Variants in DMP1 observed in about 807,000 individuals in gnomAD.
DMP1 encodes the protein dentin matrix protein 1.
In DMP1, 20 loss-of-function variants were observed where a neutral mutation model predicts 14.6. The ratio of observed to expected loss-of-function variants is 1.37; its 90% CI spans 0.96 to 1.99. The LOEUF (loss-of-function observed/expected upper bound fraction) is 1.99. DMP1 is among the 30% of genes most tolerant of loss of function. The pLI is 0.00. For synonymous variants in DMP1, 197 were observed against 215.3 expected, an observed-to-expected ratio of 0.91 and a Z score of 0.75; for missense variants, 567 against 620.5, an observed-to-expected ratio of 0.91 and a Z score of 0.92.
At chr4:87,653,387 A>AT (rs1491577482) in intron 1 of DMP1, among the ~76,000 whole-genome samples, 1 of 5,386 alleles carries the variant, frequency 1.9e-4, no homozygotes, top group Non-Finnish European at 3.4e-4. Context: ...TTATCGAGTG[A>AT]TATATATATA....
chr4:87,657,940 T>C (rs1329942218), intron 3 of DMP1, among the ~76,000 whole-genome samples: 1 of 152,208 alleles, frequency 6.6e-6, no homozygotes, highest in East Asian at 1.9e-4. Context: ...TGGGGTCCTG[T>C]CCATGCCTGA....
chr4:87,661,424 G>A (rs1202827713), intron 5 of DMP1, among the ~76,000 whole-genome samples: 59 of 151,382 alleles, frequency 3.9e-4, no homozygotes, highest in Middle Eastern at 3.4e-3. Flanking sequence ...GGGTTTCACC[G>A]TGTTAGCCAG....
Position 87,662,931 on chromosome 4 carries a change from G to T in DMP1, c.1153G>T (p.Glu385Ter). ...AGACCAGGAAGACAGTGACTCCAGCGAGGAGGACAGCTCGCACACACTCTC... is the reference window on the plus strand; with the variant it reads ...AGACCAGGAAGACAGTGACTCCAGCTAGGAGGACAGCTCGCACACACTCTC... ...VEDQEDSDSS[E>*]EDSSHTLSHS... is the part of the protein sequence containing the mutation. Residue 385 changes from glutamate (E) to a stop codon, truncating the protein, a stop_gained, in exon 6 of 6, where the codon GAG becomes TAG. Coordinates refer to ENST00000339673, the MANE Select transcript of DMP1 (RefSeq NM_004407.4). LOFTEE classifies it low-confidence loss of function (END_TRUNC). 1 of 1,614,046 alleles carries T rather than the reference G, an allele frequency of 6.2e-7. No homozygotes were observed. The highest frequency in any genetic ancestry group is 8.5e-7 in the Non-Finnish European group (1 of 1,179,936).
At chr4:87,661,485 G>A (rs1307498454) in intron 5 of DMP1, among the ~76,000 whole-genome samples, 1 of 151,762 alleles carries the variant, frequency 6.6e-6, no homozygotes, top group East Asian at 1.9e-4. Context: ...GCCTCCCAAA[G>A]TGCTGGGATT....
At position 87,650,293 on chromosome 4, in the gene DMP1, A is replaced by T. The variant is rs1004738729; in HGVS notation, c.-113A>T. ...AGAGAAGTGTCCAGAATATCAACAC[A>T]AGAGTGGCTTCATTGGGCATAGATT... On this transcript the variant is annotated 5_prime_UTR_variant, in exon 1 of 6. Transcript: ENST00000339673. 2.7e-5 allele frequency: 3 copies of T among 110,586 alleles called. No homozygotes were observed. Among genetic ancestry groups the T allele is most frequent in the Non-Finnish European group, 7.0e-5 (3 of 42,922 alleles). 6.9% of individuals were successfully genotyped at this position (110,586 alleles called of 1,614,324 possible). A position where few individuals can be genotyped will look rare whatever the true frequency, so the allele number is the denominator to read the frequency against.
rs779058988 is a variant in DMP1 at position 87,662,395 on chromosome 4, A to T, written c.617A>T (p.Asp206Val). Residue 206 changes from aspartate to valine, a missense_variant, in exon 6 of 6, where the codon GAC becomes GTC. Transcript: ENST00000339673. ...AGTGATGGGGAGAGCAGCCATGGAG[A>T]CGGCTCCGAGTTGGACGATGAGGGA... ...GGSDGESSHG[D>V]GSELDDEGMQ... is the part of the protein sequence containing the mutation. 1.2e-5 allele frequency: 20 copies of T among 1,614,084 alleles called. No homozygotes were observed. In the South Asian group the frequency reaches 1.9e-4, roughly 15 times the overall value.
intron 5 of DMP1, among the ~76,000 whole-genome samples, chr4:87,661,583 T>C (rs947712717): frequency 8.6e-5 from 13 of 151,536 alleles, no homozygotes; most frequent in African/African-American, 2.9e-4. Context: ...ATGGTCTCGA[T>C]CTCTTGACCT....
At chr4:87,653,403 A>ATATAT (rs1553906468) in intron 1 of DMP1, among the ~76,000 whole-genome samples, 1 of 94,480 alleles carries the variant, frequency 1.1e-5, no homozygotes. Context: ...ATATATATAT[A>ATATAT]TATATATATA....
At chr4:87,660,681 T>C (rs566295300) in intron 5 of DMP1, 1 of 152,230 alleles carries the variant, frequency 6.6e-6, no homozygotes, top group Non-Finnish European at 1.5e-5. Flanking sequence ...GAGCATCCAA[T>C]TGTTTTACTT....
At chr4:87,659,560 G>T in intron 5 of DMP1, 82 bp downstream of exon 5, 1 of 1,292,364 alleles carries the variant, frequency 7.7e-7, no homozygotes, top group South Asian at 1.2e-5. Context: ...CCTGGCGACA[G>T]TTCTAAATAT....
intron 5 of DMP1, 72 bp from the exon 6 acceptor site, chr4:87,661,890 G>A: frequency 1.2e-6 from 2 of 1,612,968 alleles, no homozygotes; most frequent in South Asian, 1.1e-5. Context: ...AGAAAGACTA[G>A]AAAGGCTCTA....
chr4:87,658,914 C>T, intron 3 of DMP1: 1 of 367,182 alleles, frequency 2.7e-6, no homozygotes. Context: ...GCTGCTTTTC[C>T]TGTGTTACGT....
rs147265141 is a variant in DMP1 at position 87,662,126 on chromosome 4, C to T, written c.348C>T (p.Asp116=). The change falls in exon 6 of 6, where the codon GAC becomes GAT. Residue 116 remains aspartate, a synonymous_variant. Coordinates refer to ENST00000339673, the MANE Select transcript of DMP1 (RefSeq NM_004407.4). ...EDDSGDDTFG[D]DDSGPGPKDR... ...ACAGTGGAGATGACACCTTTGGTGA[C>T]GATGACAGTGGCCCAGGGCCCAAAG... The T allele has an allele frequency of 3.2e-5, 51 of 1,614,140 alleles. No individual in the cohort carries two copies. In the African/African-American group the frequency reaches 3.2e-4, roughly 10 times the overall value.
chr4:87,655,081 G>A (rs1728646910), intron 1 of DMP1, among the ~76,000 whole-genome samples: 1 of 152,142 alleles, frequency 6.6e-6, no homozygotes, highest in Non-Finnish European at 1.5e-5. Flanking sequence ...CTTTCCCTTT[G>A]ACTTAGTGAG....
At chr4:87,653,981 G>A (rs756314924) in intron 1 of DMP1, among the ~76,000 whole-genome samples, 1 of 152,130 alleles carries the variant, frequency 6.6e-6, no homozygotes, top group Non-Finnish European at 1.5e-5. Context: ...ACAAAACATG[G>A]GCAGCCATGT....
chr4:87,655,683 T>C (rs1322925899), intron 1 of DMP1, among the ~76,000 whole-genome samples: 2 of 151,898 alleles, frequency 1.3e-5, no homozygotes, highest in Admixed American at 6.6e-5. Context: ...TGTGTGTGTG[T>C]GTATGTGTAT....
rs1728503935 is a variant in DMP1, at chr4:87,650,357, T to G, written c.-49T>G. On this transcript the variant is annotated 5_prime_UTR_variant, in exon 1 of 6. Coordinates refer to ENST00000339673, the MANE Select transcript of DMP1 (RefSeq NM_004407.4). ...CATCAACCTGATTTTTGAGACTTTT[T>G]GAAAAAATTCTTTGTGAACTACGGA... 1 of 152,198 alleles carries G rather than the reference T, an allele frequency of 6.6e-6. No homozygotes were observed. The highest frequency in any genetic ancestry group is 2.4e-5 in the African/African-American group (1 of 41,454). 9.4% of individuals were successfully genotyped at this position (152,198 alleles called of 1,614,324 possible). A position where few individuals can be genotyped will look rare whatever the true frequency, so the allele number is the denominator to read the frequency against.
At chr4:87,656,596 TCCAC>T in intron 2 of DMP1, 50 bp downstream of exon 2, 1 of 1,281,374 alleles carries the variant, frequency 7.8e-7, no homozygotes, top group Non-Finnish European at 1.1e-6. Flanking sequence ...TACTTAAAAC[TCCAC>T]AATTTTGATT....
At chr4:87,656,610 T>C in intron 2 of DMP1, 64 bp downstream of exon 2, 2 of 1,101,912 alleles carry the variant, frequency 1.8e-6, no homozygotes, top group Non-Finnish European at 2.8e-6. Flanking sequence ...CAATTTTGAT[T>C]GGCTATGAAC....
Sources: allele counts gnomAD v4.1 joint callset (sites outside exome capture counted in the v4.1 genomes callset), GRCh38; gene constraint gnomAD v4.1.1; transcripts MANE v1.5; gene names NCBI Gene and HGNC (gene_info 2026-07-23, HGNC 2026-07-21).